Variants in RTN4 observed in about 807,000 individuals in gnomAD.
RTN4 encodes the protein reticulon-4.
In RTN4, 32 loss-of-function variants were observed where a neutral mutation model predicts 90.4. That is an observed-to-expected ratio of 0.35 (90% CI 0.27 to 0.48). The LOEUF (loss-of-function observed/expected upper bound fraction) is 0.48, where lower values mean the gene tolerates loss of function less well. Among genes scored for constraint, RTN4 ranks in the 20% least tolerant of loss-of-function variants. The pLI is 0.99. For synonymous variants in RTN4, 629 were observed against 552.5 expected (o/e 1.14, Z -1.94); for missense variants, 1,706 against 1,430.2 (o/e 1.19, Z -3.11).
At chr2:55,030,930 TAAC>T (rs1682267190) in intron 1 of RTN4, among the ~76,000 whole-genome samples, 1 of 152,184 alleles carries the variant, frequency 6.6e-6, no homozygotes, top group African/African-American at 2.4e-5. Flanking sequence ...TTTTACAATG[TAAC>T]AACATTTATA....
intron 3 of RTN4, among the ~76,000 whole-genome samples, chr2:54,995,481 T>C (rs1460485878): frequency 2.0e-5 from 3 of 152,188 alleles, no homozygotes; most frequent in Non-Finnish European, 2.9e-5. Flanking sequence ...TGGAGGGATC[T>C]CTAAGTGCCT....
intron 1 of RTN4, among the ~76,000 whole-genome samples, chr2:55,098,058 G>C (rs1244111688): frequency 2.6e-5 from 4 of 151,906 alleles, no homozygotes; most frequent in African/African-American, 9.7e-5. Context: ...TACTATCCTA[G>C]ATGGAATTAA....
chr2:55,078,179 T>TA (rs202089707), intron 2 of RTN4, among the ~76,000 whole-genome samples: 74 of 150,502 alleles, frequency 4.9e-4, no homozygotes, highest in South Asian at 8.4e-4. Context: ...CCTATTGAAA[T>TA]AAAAAAAAAA....
At chr2:55,005,165 T>C (rs894351329) in intron 3 of RTN4, among the ~76,000 whole-genome samples, 2 of 152,144 alleles carry the variant, frequency 1.3e-5, no homozygotes, top group African/African-American at 4.8e-5. Context: ...CAGAAGAAAC[T>C]TCATTTGAAA....
chr2:55,087,410 T>C lies in RTN4; in HGVS notation c.-213-6771A>G, dbSNP rs924252151. 5.9e-5 allele frequency among the ~76,000 whole-genome samples: 9 copies of C among 152,366 alleles called. No homozygotes were observed. The South Asian group carries it at 6.2e-4, about 11-fold the overall frequency. Reference sequence around the variant, plus strand: ...TTTAATGTTATACTTTTACAACATATGGATATATTCATACAATGTATAACA... The same window carrying C: ...TTTAATGTTATACTTTTACAACATACGGATATATTCATACAATGTATAACA... On this transcript the variant is annotated intron_variant, in intron 1 of 3. Coordinates refer to the RTN4 transcript ENST00000427710.
At chr2:55,029,368 A>C (rs1358131185) in intron 1 of RTN4, among the ~76,000 whole-genome samples, 1 of 152,150 alleles carries the variant, frequency 6.6e-6, no homozygotes, top group East Asian at 1.9e-4. Flanking sequence ...ACTTTGTACA[A>C]TGTCATCTTG....
chr2:55,113,329 T>C (rs75421652), upstream of RTN4, among the ~76,000 whole-genome samples: 470 of 152,338 alleles, frequency 3.1e-3, 2 homozygotes, highest in Admixed American at 5.7e-3. Flanking sequence ...CTGTGGTTTC[T>C]ACAGACTGGG....
chr2:55,106,673 C>T (rs1212581188), intron 1 of RTN4, among the ~76,000 whole-genome samples: 3 of 152,202 alleles, frequency 2.0e-5, no homozygotes, highest in South Asian at 2.1e-4. Flanking sequence ...GCGTGCACCA[C>T]CATGCCCGGC....
rs200053000 is a variant in RTN4 at position 55,025,506 on chromosome 2, T to C, written c.2593A>G (p.Ile865Val). 2.0e-5 allele frequency: 32 copies of C among 1,613,600 alleles called. No individual in the cohort carries two copies. The highest frequency in any genetic ancestry group is 2.5e-5 in the Non-Finnish European group (29 of 1,179,786). Residue 865 changes from isoleucine (I) to valine (V), a missense_variant, in exon 3 of 9, where the codon ATT becomes GTT. Transcript: ENST00000337526. Reference sequence around the variant, plus strand: ...GTAGGGAACTCATCTATAATTTCAATTGGAGATGAATCTGAAAACGTTTCA... The same window carrying C: ...GTAGGGAACTCATCTATAATTTCAACTGGAGATGAATCTGAAAACGTTTCA... Reference protein sequence around the residue: ...ETETFSDSSPIEIIDEFPTLI... With the variant: ...ETETFSDSSPVEIIDEFPTLI...
At chr2:55,008,142 AACACACACACAC>A (rs200633765) in intron 3 of RTN4, among the ~76,000 whole-genome samples, 11 of 145,116 alleles carry the variant, frequency 7.6e-5, no homozygotes, top group African/African-American at 1.8e-4. Flanking sequence ...TCGGCAAGCA[AACACACACACAC>A]ACACACACAC....
chr2:55,107,070 G>C (rs1229999443), intron 1 of RTN4, among the ~76,000 whole-genome samples: 1 of 152,048 alleles, frequency 6.6e-6, no homozygotes, highest in Admixed American at 6.6e-5. Flanking sequence ...AACAAAATTG[G>C]TGACTCAAAA....
intron 3 of RTN4, among the ~76,000 whole-genome samples, chr2:54,999,687 T>C (rs1019624952): frequency 2.6e-5 from 4 of 152,110 alleles, no homozygotes; most frequent in Non-Finnish European, 4.4e-5. Context: ...ACCATGTTTA[T>C]AATAATAAGT....
chr2:55,097,310 A>AAC (rs1409998377), intron 1 of RTN4, among the ~76,000 whole-genome samples: 3 of 151,548 alleles, frequency 2.0e-5, no homozygotes, highest in Non-Finnish European at 4.4e-5. Flanking sequence ...TCAAAAAAAA[A>AAC]AAAAAAAAAT....
rs151288793 is a variant in RTN4, at chr2:54,978,405, T to C, written c.3361-3641A>G. On this transcript the variant is annotated intron_variant, in intron 5 of 8. Transcript: ENST00000337526. ...AAGATCGCACCACCGCCCTCCAGCC[T>C]GGGTGACACAGCGAGACTCTATCTC... Among the ~76,000 whole-genome samples, 21 of 124,254 alleles carry C rather than the reference T, an allele frequency of 1.7e-4. 1 individual carries two copies. The East Asian group carries it at 5.3e-3, about 31-fold the overall frequency. The allele number at this position is 124,254 out of a possible 152,430, so 81.5% of individuals were successfully genotyped here.
intron 3 of RTN4, among the ~76,000 whole-genome samples, chr2:55,000,465 A>T (rs1295170895): frequency 6.6e-6 from 1 of 152,320 alleles, no homozygotes; most frequent in East Asian, 1.9e-4. Context: ...ACTTTACATG[A>T]CAAACAAATA....
At chr2:55,012,132 T>TA (rs1404718464) in intron 3 of RTN4, among the ~76,000 whole-genome samples, 5 of 152,328 alleles carry the variant, frequency 3.3e-5, no homozygotes, top group Admixed American at 3.3e-4. Context: ...ATTACTTCAC[T>TA]AGTAGAAGAA....
chr2:55,110,304 C>T (rs1338982942), intron 1 of RTN4, among the ~76,000 whole-genome samples: 3 of 129,950 alleles, frequency 2.3e-5, no homozygotes, highest in Non-Finnish European at 4.9e-5. Context: ...GAGGGAGACC[C>T]TGTCTCAAAA....
chr2:55,077,204 G>A (rs961724523), intron 2 of RTN4, among the ~76,000 whole-genome samples: 13 of 151,902 alleles, frequency 8.6e-5, no homozygotes, highest in Middle Eastern at 3.4e-3. Flanking sequence ...TAATAGAGAC[G>A]GGGTTTCACC....
chr2:55,130,549 G>T, the RTN4 span, among the ~76,000 whole-genome samples: 1 of 152,224 alleles, frequency 6.6e-6, no homozygotes, highest in South Asian at 2.1e-4. Context: ...CCAGGAGTTC[G>T]AGACCAGCCG....
Sources: gnomAD v4.1 joint callset for allele counts (sites outside exome capture counted in the v4.1 genomes callset) on GRCh38, gnomAD v4.1.1 for gene constraint, MANE v1.5 for transcripts, NCBI Gene and HGNC (gene_info 2026-07-23, HGNC 2026-07-21) for gene names.